The following CSMD3 variants were observed in gnomAD, a reference collection of about 807,000 sequenced individuals.
The protein encoded by CSMD3 is CUB and Sushi multiple domains 3, also known as CUB and sushi domain-containing protein 3.
Under a neutral mutation model 435.2 loss-of-function variants are expected in CSMD3, and 177 were observed. That is an observed-to-expected ratio of 0.41 (90% CI 0.36 to 0.46). The LOEUF (loss-of-function observed/expected upper bound fraction) is 0.46. Ranked by LOEUF, CSMD3 falls within the 20% of genes least tolerant of loss-of-function variation. CSMD3 has a pLI of 0.34. For missense variants in CSMD3, 4,265 were observed against 4,504.6 expected, an observed-to-expected ratio of 0.95 and a Z score of 1.52; for synonymous variants, 1,656 against 1,520.5, an observed-to-expected ratio of 1.09 and a Z score of -2.07.
At position 112,492,557 on chromosome 8, in the gene CSMD3, G is replaced by A. The variant is rs2130853034; in HGVS notation, c.5210C>T (p.Ser1737Leu). Residue 1737 changes from serine to leucine, a missense_variant, in exon 31 of 71, where the codon TCA becomes TTA. Ser to Leu is a moderately radical substitution (Grantham distance 145, BLOSUM62 -2). This residue lies in a region of CSMD3 where 3,255 missense variants were observed against 3,380.2 expected (regional missense o/e 0.96). Coordinates refer to ENST00000297405, the MANE Select transcript of CSMD3 (RefSeq NM_198123.2). ...ATCTCCCATGATACAGGTGAGTGTT[G>A]AATAACCTTGAAGAACATAACCAGC... Reference protein sequence around the residue: ...CDAGYVLQGYSTLTCIMGDDG... With the variant: ...CDAGYVLQGYLTLTCIMGDDG... The A allele has an allele frequency of 1.2e-6, 2 of 1,613,738 alleles. No individual in the cohort carries two copies. The highest frequency in any genetic ancestry group is 4.5e-5 in the East Asian group (2 of 44,840).
chr8:113,217,217 A>AG (rs1262459042), intron 3 of CSMD3, among the ~76,000 whole-genome samples: 3 of 151,544 alleles, frequency 2.0e-5, no homozygotes, highest in African/African-American at 7.3e-5. Context: ...CTGATGTAAA[A>AG]AAACTCAAAA....
chr8:113,017,056 C>G (rs953097087), intron 6 of CSMD3, among the ~76,000 whole-genome samples: 1 of 151,796 alleles, frequency 6.6e-6, no homozygotes, highest in Non-Finnish European at 1.5e-5. Context: ...ATTATAAAAT[C>G]AAAGCTTCAA....
At chr8:113,083,654 A>G (rs535355888) in intron 5 of CSMD3, among the ~76,000 whole-genome samples, 124 of 152,282 alleles carry the variant, frequency 8.1e-4, no homozygotes, top group Non-Finnish European at 1.4e-3. Context: ...ATACAAAACA[A>G]TAAGAAAACA....
intron 8 of CSMD3, 70 bp from the exon 9 acceptor site, chr8:112,947,947 T>C: frequency 1.4e-6 from 1 of 709,174 alleles, no homozygotes; most frequent in Non-Finnish European, 2.6e-6. Flanking sequence ...ATATTAATTT[T>C]AAAATATACA....
At chr8:113,038,214 A>G (rs1379847030) in intron 5 of CSMD3, among the ~76,000 whole-genome samples, 1 of 152,210 alleles carries the variant, frequency 6.6e-6, no homozygotes, top group African/African-American at 2.4e-5. Context: ...TAACAGTAGA[A>G]AAAAACTGTA....
chr8:112,629,075 TA>T (rs2074436641), intron 22 of CSMD3, among the ~76,000 whole-genome samples: 1 of 152,104 alleles, frequency 6.6e-6, no homozygotes, highest in Admixed American at 6.6e-5. Context: ...AGTAATAAGG[TA>T]GATAATGATA....
At chr8:112,910,520 T>C (rs565132367) in intron 10 of CSMD3, among the ~76,000 whole-genome samples, 1 of 151,900 alleles carries the variant, frequency 6.6e-6, no homozygotes, top group African/African-American at 2.4e-5. Context: ...AGGGAGAGTA[T>C]GTGTCAATTT....
chr8:112,306,690 C>A (rs1026712367), intron 50 of CSMD3, among the ~76,000 whole-genome samples: 3 of 152,126 alleles, frequency 2.0e-5, no homozygotes, highest in African/African-American at 7.2e-5. Context: ...TCTGTCTTAG[C>A]AGAAGCCACA....
intron 12 of CSMD3, among the ~76,000 whole-genome samples, chr8:112,811,800 T>A (rs2079235565): frequency 6.6e-6 from 1 of 152,156 alleles, no homozygotes; most frequent in Non-Finnish European, 1.5e-5. Context: ...TGATTTTATT[T>A]TAATTATATT....
At chr8:112,697,709 T>C (rs893248140) in intron 13 of CSMD3, among the ~76,000 whole-genome samples, 3 of 151,898 alleles carry the variant, frequency 2.0e-5, no homozygotes, top group Non-Finnish European at 2.9e-5. Context: ...TGTGCACATG[T>C]ACCCTAGAAC....
chr8:113,343,055 GAGA>G (rs1183528110), intron 1 of CSMD3, among the ~76,000 whole-genome samples: 1 of 151,930 alleles, frequency 6.6e-6, no homozygotes, highest in African/African-American at 2.4e-5. Flanking sequence ...GAAGGAAGAA[GAGA>G]AGAAGTCAAT....
At chr8:112,751,184 CCT>C (rs2077562373) in intron 13 of CSMD3, among the ~76,000 whole-genome samples, 1 of 152,072 alleles carries the variant, frequency 6.6e-6, no homozygotes, top group African/African-American at 2.4e-5. Flanking sequence ...GTCCATTAAA[CCT>C]CTTTCCTTTA....
At chr8:112,474,975 G>A (rs1818898576) in intron 31 of CSMD3, among the ~76,000 whole-genome samples, 1 of 152,088 alleles carries the variant, frequency 6.6e-6, no homozygotes. Context: ...TGAGATTAGA[G>A]CAGTCAGGTG....
At chr8:113,408,450 A>T (rs2094542847) in intron 1 of CSMD3, among the ~76,000 whole-genome samples, 1 of 152,184 alleles carries the variant, frequency 6.6e-6, no homozygotes, top group Non-Finnish European at 1.5e-5. Context: ...GGCTAAAACA[A>T]AAAGAGACTA....
chr8:113,125,424 A>T (rs187914676), intron 4 of CSMD3, among the ~76,000 whole-genome samples: 4 of 152,128 alleles, frequency 2.6e-5, no homozygotes, highest in Admixed American at 2.6e-4. Flanking sequence ...ATTGAGGATT[A>T]TCAGCATAGA....
At chr8:113,334,542 T>C (rs573590972) in intron 1 of CSMD3, among the ~76,000 whole-genome samples, 5 of 152,148 alleles carry the variant, frequency 3.3e-5, no homozygotes, top group Admixed American at 3.3e-4. Context: ...TTCTTTTATG[T>C]ACTGGATTTA....
At chr8:112,447,644 G>C (rs1815755971) in intron 32 of CSMD3, among the ~76,000 whole-genome samples, 1 of 152,094 alleles carries the variant, frequency 6.6e-6, no homozygotes. Flanking sequence ...CTATTACTTG[G>C]TATAATCTTA....
At chr8:113,112,265 G>A (rs1447361623) in intron 4 of CSMD3, among the ~76,000 whole-genome samples, 1 of 150,486 alleles carries the variant, frequency 6.6e-6, no homozygotes, top group Non-Finnish European at 1.5e-5. Context: ...CTTTTAAAAT[G>A]AGGTTGGATA....
intron 5 of CSMD3, among the ~76,000 whole-genome samples, chr8:113,074,511 G>A (rs1480446): frequency 0.67 from 101,959 of 151,584 alleles, 35,908 homozygotes; most frequent in East Asian, 0.95. Flanking sequence ...AGATAACTAG[G>A]AAATTAGAAT....
Sources: allele counts gnomAD v4.1 joint callset (sites outside exome capture counted in the v4.1 genomes callset), GRCh38; gene constraint gnomAD v4.1.1; regional missense constraint gnomAD v4.1.1; transcripts MANE v1.5; gene names NCBI Gene and HGNC (gene_info 2026-07-23, HGNC 2026-07-21).